LRP1B: variants seen among roughly 807,000 people sequenced by gnomAD.
LRP1B encodes low-density lipoprotein receptor-related protein 1B.
LRP1B carries 217 observed loss-of-function variants against 556.6 expected under a neutral mutation model. The ratio of observed to expected loss-of-function variants is 0.39; its 90% confidence interval spans 0.35 to 0.44. LRP1B has a LOEUF of 0.44. Ranked by LOEUF, LRP1B falls within the 20% of genes least tolerant of loss-of-function variation. The pLI, the probability that LRP1B is intolerant of heterozygous loss-of-function variation, is 1.00. For missense variants in LRP1B, 5,053 were observed against 5,620.8 expected, an observed-to-expected ratio of 0.90 and a Z score of 3.23; for synonymous variants, 2,047 against 1,865.8, an observed-to-expected ratio of 1.10 and a Z score of -2.50.
chr2:141,881,236 G>A (rs545296086), intron 1 of LRP1B, among the ~76,000 whole-genome samples: 15 of 152,230 alleles, frequency 9.9e-5, no homozygotes, highest in Admixed American at 8.5e-4. Context: ...GGGAAGAAAA[G>A]TAGAGATGCC....
chr2:141,180,064 G>C lies in LRP1B; in HGVS notation c.1013+8357C>G, dbSNP rs1464018801. Among the ~76,000 whole-genome samples, 3 of 151,590 alleles carry C rather than the reference G, an allele frequency of 2.0e-5. No individual in the cohort carries two copies. In the East Asian group the frequency reaches 5.8e-4, roughly 30 times the overall value. Reference sequence around the variant, plus strand: ...GCAAACCAAGATTCTTCCAGTTTTTGAAAATAACATTTTGTGCCTGATCCA... The same window carrying C: ...GCAAACCAAGATTCTTCCAGTTTTTCAAAATAACATTTTGTGCCTGATCCA... On this transcript the variant is annotated intron_variant, in intron 7 of 90. Coordinates refer to ENST00000389484, the MANE Select transcript of LRP1B (RefSeq NM_018557.3).
At chr2:141,872,873 T>C (rs943507259) in intron 1 of LRP1B, among the ~76,000 whole-genome samples, 1 of 152,014 alleles carries the variant, frequency 6.6e-6, no homozygotes, top group Non-Finnish European at 1.5e-5. Context: ...AGCAAAGTCC[T>C]TATTATCCAA....
At chr2:141,361,706 C>A (rs937890664) in intron 3 of LRP1B, among the ~76,000 whole-genome samples, 3 of 152,096 alleles carry the variant, frequency 2.0e-5, no homozygotes, top group African/African-American at 7.2e-5. Flanking sequence ...TTCAAGGTAT[C>A]TTTTAATACC....
chr2:141,310,862 C>T (rs192096806), intron 3 of LRP1B, among the ~76,000 whole-genome samples: 38 of 152,306 alleles, frequency 2.5e-4, no homozygotes, highest in African/African-American at 8.7e-4. Flanking sequence ...CTTATTACTA[C>T]TTCCAGCCTT....
At chr2:140,382,371 C>T (rs997205191) in intron 67 of LRP1B, among the ~76,000 whole-genome samples, 2 of 152,036 alleles carry the variant, frequency 1.3e-5, no homozygotes, top group African/African-American at 4.8e-5. Context: ...TAATTTATTT[C>T]ATAAATCAGT....
intron 3 of LRP1B, among the ~76,000 whole-genome samples, chr2:141,467,190 C>T (rs1007963931): frequency 2.0e-4 from 30 of 148,170 alleles, no homozygotes; most frequent in South Asian, 6.4e-4. Context: ...AGAGAGAGAG[C>T]GCGGGGGGAA....
chr2:141,373,230 T>A (rs1172376969), intron 3 of LRP1B, among the ~76,000 whole-genome samples: 2 of 152,052 alleles, frequency 1.3e-5, no homozygotes, highest in African/African-American at 4.8e-5. Flanking sequence ...TGATTTCAAT[T>A]TTTACAAATT....
At chr2:141,948,113 C>T (rs1701006620) in intron 1 of LRP1B, among the ~76,000 whole-genome samples, 1 of 151,990 alleles carries the variant, frequency 6.6e-6, no homozygotes, top group African/African-American at 2.4e-5. Flanking sequence ...GCCTGGCCAA[C>T]ATGGTGAAAC....
At chr2:140,423,461 G>T (rs1685532482) in intron 66 of LRP1B, among the ~76,000 whole-genome samples, 1 of 151,978 alleles carries the variant, frequency 6.6e-6, no homozygotes, top group South Asian at 2.1e-4. Flanking sequence ...AGCATACTAA[G>T]TATAAGTATT....
chr2:141,260,185 C>T (rs1684632217), intron 3 of LRP1B, among the ~76,000 whole-genome samples: 3 of 151,900 alleles, frequency 2.0e-5, no homozygotes. Context: ...AAACACTAAT[C>T]ATAAGAAATA....
chr2:142,052,392 A>G (rs1043541350), intron 1 of LRP1B, among the ~76,000 whole-genome samples: 5 of 152,090 alleles, frequency 3.3e-5, no homozygotes, highest in African/African-American at 1.2e-4. Flanking sequence ...GAGAAAACCT[A>G]TATGGTACCT....
chr2:140,256,021 C>A (rs1436525247), intron 86 of LRP1B, among the ~76,000 whole-genome samples: 2 of 151,978 alleles, frequency 1.3e-5, no homozygotes, highest in African/African-American at 2.4e-5. Context: ...CCCAGGATAA[C>A]AAAAATTTAA....
At chr2:141,075,355 T>A (rs1266449313) in intron 7 of LRP1B, among the ~76,000 whole-genome samples, 4 of 152,182 alleles carry the variant, frequency 2.6e-5, no homozygotes, top group African/African-American at 9.6e-5. Context: ...AATTTTCACA[T>A]ACTATATTTT....
At chr2:141,125,523 A>T (rs936711652) in intron 7 of LRP1B, among the ~76,000 whole-genome samples, 1 of 152,132 alleles carries the variant, frequency 6.6e-6, no homozygotes, top group African/African-American at 2.4e-5. Context: ...TAATTTTTTG[A>T]CTTTCTTTTA....
chr2:142,079,959 G>A (rs1269955142), intron 1 of LRP1B, among the ~76,000 whole-genome samples: 1 of 151,956 alleles, frequency 6.6e-6, no homozygotes, highest in East Asian at 1.9e-4. Flanking sequence ...GGAGTATCAG[G>A]GCATTAAGAA....
intron 1 of LRP1B, among the ~76,000 whole-genome samples, chr2:141,991,366 C>A (rs905127020): frequency 6.6e-6 from 1 of 151,954 alleles, no homozygotes; most frequent in African/African-American, 2.4e-5. Flanking sequence ...ATAGAAAATT[C>A]CACGTTTTGT....
At chr2:141,564,547 T>C (rs1686265414) in intron 2 of LRP1B, among the ~76,000 whole-genome samples, 1 of 152,150 alleles carries the variant, frequency 6.6e-6, no homozygotes, top group South Asian at 2.1e-4. Flanking sequence ...ACTTCTCTGA[T>C]AGACTTTTGA....
At chr2:141,178,851 C>A (rs1415326091) in intron 7 of LRP1B, among the ~76,000 whole-genome samples, 2 of 151,276 alleles carry the variant, frequency 1.3e-5, no homozygotes. Flanking sequence ...TCTTGAATAA[C>A]TCCTTGATAG....
At chr2:140,844,135 C>T (rs1203025137) in intron 29 of LRP1B, among the ~76,000 whole-genome samples, 1 of 151,908 alleles carries the variant, frequency 6.6e-6, no homozygotes, top group Non-Finnish European at 1.5e-5. Flanking sequence ...GATCTCGCCT[C>T]ACCACAACCT....
Sources: gnomAD v4.1 joint callset for allele counts (sites outside exome capture counted in the v4.1 genomes callset) on GRCh38, gnomAD v4.1.1 for gene constraint, MANE v1.5 for transcripts, NCBI Gene and HGNC (gene_info 2026-07-23, HGNC 2026-07-21) for gene names.